Variants in RADIL observed in about 807,000 individuals in gnomAD.
The protein encoded by RADIL is Rap associating with DIL domain.
Under a neutral mutation model 97.6 loss-of-function variants are expected in RADIL, and 99 were observed. The ratio of observed to expected loss-of-function variants is 1.01; its 90% CI spans 0.86 to 1.20. The LOEUF (loss-of-function observed/expected upper bound fraction) is 1.20, where lower values mean the gene tolerates loss of function less well. Ranked by LOEUF, RADIL falls within the 50% of genes most tolerant of loss-of-function variation. RADIL has a pLI of 0.00. For synonymous variants in RADIL, 803 were observed against 691.8 expected (o/e 1.16, Z -2.52); for missense variants, 1,765 against 1,498.9 (o/e 1.18, Z -2.93).
At chr7:4,833,848 G>A (rs575756054) in intron 4 of RADIL, among the ~76,000 whole-genome samples, 89 of 152,306 alleles carry the variant, frequency 5.8e-4, no homozygotes, top group Non-Finnish European at 4.0e-4. Context: ...GGCCCAGGGC[G>A]GTCCTGCTCA....
At chr7:4,809,275 C>G (rs532017320) in intron 9 of RADIL, 18 of 985,238 alleles carry the variant, frequency 1.8e-5, no homozygotes, top group Non-Finnish European at 2.2e-5. Context: ...AGGCCGGGGC[C>G]CCCCTTCCAT....
At chr7:4,806,110 C>A in intron 9 of RADIL, 1 of 920,710 alleles carries the variant, frequency 1.1e-6, no homozygotes, top group African/African-American at 1.8e-5. Flanking sequence ...AAGGCAGGGA[C>A]ATTCATCATT....
chr7:4,833,621 T>C (rs1182623813), intron 4 of RADIL, among the ~76,000 whole-genome samples: 1 of 152,198 alleles, frequency 6.6e-6, no homozygotes, highest in Non-Finnish European at 1.5e-5. Flanking sequence ...AATGTGGATT[T>C]CGATATGAGA....
In RADIL at chr7:4,835,306, T is replaced by A; in HGVS notation, c.784-67A>T. The A allele has an allele frequency of 6.4e-7, 1 of 1,553,614 alleles. No individual in the cohort carries two copies. Among genetic ancestry groups the A allele is most frequent in the East Asian group, 2.4e-5 (1 of 42,264 alleles). On this transcript the variant is annotated intron_variant, in intron 3 of 14. Coordinates refer to ENST00000399583, the MANE Select transcript of RADIL (RefSeq NM_018059.5). This position sits in a 1 kb window ranked among gnomAD's most constrained non-coding sequence, Gnocchi z 5.8. ...GCACACGGGAAAAGCGTCCCGTGTC[T>A]AGTCACTGGTTGCTGAAGCAGCGTG...
intron 13 of RADIL, 44 bp from the exon 14 acceptor site, chr7:4,799,813 C>T: frequency 6.8e-6 from 10 of 1,460,138 alleles, no homozygotes; most frequent in Non-Finnish European, 8.1e-6. Context: ...GCCCGACTGG[C>T]TGTCCCCAGC....
rs1383262679 is a variant in RADIL at position 4,797,089 on chromosome 7, C to A, written c.*2289G>T. On this transcript the variant is annotated 3_prime_UTR_variant, in exon 15 of 15. Coordinates refer to ENST00000399583, the MANE Select transcript of RADIL (RefSeq NM_018059.5). Reference sequence around the variant, plus strand: ...GTGTTGTAGATTGTCTGGGGCCTGGCTGGGAAGTCGTTCTGCTCCACGTGG... The same window carrying A: ...GTGTTGTAGATTGTCTGGGGCCTGGATGGGAAGTCGTTCTGCTCCACGTGG... 5.3e-5 allele frequency: 8 copies of A among 152,268 alleles called. No individual in the cohort carries two copies. Among genetic ancestry groups the A allele is most frequent in the Admixed American group, 4.6e-4 (7 of 15,288 alleles). 9.4% of individuals were successfully genotyped at this position (152,268 alleles called of 1,614,324 possible). A position where few individuals can be genotyped will look rare whatever the true frequency, so the allele number is the denominator to read the frequency against.
In RADIL at chr7:4,827,337, C is replaced by T. The variant is rs6962649; in HGVS notation, c.1455-4783G>A. Among the ~76,000 whole-genome samples, 17 of 146,536 alleles carry T rather than the reference C, an allele frequency of 1.2e-4. No individual in the cohort carries two copies. In the East Asian group the frequency reaches 1.4e-3, roughly 12 times the overall value. ...ATGCGATTGCACCAGTGCACTCCAG[C>T]GTAGACGACAGAGCGAGACTGTCTC... On this transcript the variant is annotated intron_variant, in intron 5 of 14. Coordinates refer to ENST00000399583, the MANE Select transcript of RADIL (RefSeq NM_018059.5).
Position 4,801,940 on chromosome 7 carries a change from G to A in RADIL, c.2555C>T (p.Ala852Val), listed in dbSNP as rs757799017. The A allele has an allele frequency of 1.3e-4, 198 of 1,565,956 alleles. 1 individual carries two copies. Among genetic ancestry groups the A allele is most frequent in the South Asian group, 7.7e-4 (66 of 85,356 alleles). The part of the protein sequence containing the change: ...GHLEAPSCPL[A>V]PRDPGPAARE... ...GGCTGCTGGGCCAGGGTCCCTGGGAGCCAGGGGGCAGCTCGGGGCCTCCAG... is the reference window on the plus strand; with the variant it reads ...GGCTGCTGGGCCAGGGTCCCTGGGAACCAGGGGGCAGCTCGGGGCCTCCAG... Residue 852 changes from alanine to valine, a missense_variant, in exon 12 of 15, where the codon GCT becomes GTT. By Grantham distance (64) the Ala-to-Val change is moderately conservative. Coordinates refer to ENST00000399583, the MANE Select transcript of RADIL (RefSeq NM_018059.5).
At chr7:4,847,301 C>T (rs1044984828) in intron 2 of RADIL, among the ~76,000 whole-genome samples, 1 of 152,054 alleles carries the variant, frequency 6.6e-6, no homozygotes, top group Non-Finnish European at 1.5e-5. Flanking sequence ...AACTGGGCAA[C>T]AGAGCAAGAC....
At chr7:4,836,328 G>A (rs745419798) in intron 3 of RADIL, 30 bp downstream of exon 3, 29 of 1,560,500 alleles carry the variant, frequency 1.9e-5, no homozygotes, top group Middle Eastern at 3.5e-4. Flanking sequence ...CAGTGGCACC[G>A]GGCAGTGGGT....
rs1056722319 is a variant in RADIL, at chr7:4,883,699, C to G, written c.-168G>C. The G allele has an allele frequency of 1.3e-5, 2 of 151,902 alleles. No homozygotes were observed. Among genetic ancestry groups the G allele is most frequent in the Admixed American group, 1.3e-4 (2 of 15,248 alleles). The allele number at this position is 151,902 out of a possible 1,614,324, so 9.4% of individuals were successfully genotyped here. Reference sequence around the variant, plus strand: ...CGCGTGCCGCGGCGCCTCCTGCCGGCGGCGCAACGGGCGGGGCGGGGCCTC... The same window carrying G: ...CGCGTGCCGCGGCGCCTCCTGCCGGGGGCGCAACGGGCGGGGCGGGGCCTC... On this transcript the variant is annotated 5_prime_UTR_variant, in exon 1 of 15. Transcript: ENST00000399583. This position sits in a 1 kb window ranked among gnomAD's most constrained non-coding sequence, Gnocchi z 7.1.
Position 4,872,592 on chromosome 7 carries a change from G to A in RADIL, c.535+5013C>T, listed in dbSNP as rs1399615805. On this transcript the variant is annotated intron_variant, in intron 2 of 14. Coordinates refer to ENST00000399583, the MANE Select transcript of RADIL (RefSeq NM_018059.5). This position sits in a 1 kb window ranked among gnomAD's most constrained non-coding sequence, Gnocchi z 5.8. ...ACCAGCCCTAAATACAGCCTTCTAG[G>A]AAAGGGGAGTGAGAGCCACTTCCAG... is the stretch of plus-strand genomic sequence containing the variant. Among the ~76,000 whole-genome samples, 1 of 152,118 alleles carries A rather than the reference G, an allele frequency of 6.6e-6. No homozygotes were observed. Among genetic ancestry groups the A allele is most frequent in the Non-Finnish European group, 1.5e-5 (1 of 68,024 alleles).
In RADIL at chr7:4,840,448, C is replaced by A. The variant is rs1317237519; in HGVS notation, c.536-3843G>T. 6.6e-6 allele frequency among the ~76,000 whole-genome samples: 1 copy of A among 152,090 alleles called. No individual in the cohort carries two copies. Among genetic ancestry groups the A allele is most frequent in the Non-Finnish European group, 1.5e-5 (1 of 68,024 alleles). On this transcript the variant is annotated intron_variant, in intron 2 of 14. Coordinates refer to ENST00000399583, the MANE Select transcript of RADIL (RefSeq NM_018059.5). The surrounding 1 kb of genome is among the most constrained non-coding windows in gnomAD (Gnocchi z 5.6). ...AGCCACCTTCAGAAGCATCGCATGG[C>A]GCCATCGCTAGACACACAGCGTGGA...
chr7:4,848,445 T>C (rs1583304886), intron 2 of RADIL, among the ~76,000 whole-genome samples: 1 of 151,946 alleles, frequency 6.6e-6, no homozygotes, highest in South Asian at 2.1e-4. Flanking sequence ...GAAGCTGAAA[T>C]TGATAAGATA....
chr7:4,824,323 A>G lies in RADIL; in HGVS notation c.1455-1769T>C, dbSNP rs1256735789. ...CCAGGCTCAAGGCTGGACGGCCGTC[A>G]GAGTGACCATCGCGTGCTCAGTCCC... On this transcript the variant is annotated intron_variant, in intron 5 of 14. Coordinates refer to ENST00000399583, the MANE Select transcript of RADIL (RefSeq NM_018059.5). This position sits in a 1 kb window ranked among gnomAD's most constrained non-coding sequence, Gnocchi z 6.7. Among the ~76,000 whole-genome samples, 2 of 152,358 alleles carry G rather than the reference A, an allele frequency of 1.3e-5. No homozygotes were observed. The highest frequency in any genetic ancestry group is 1.9e-4 in the East Asian group (1 of 5,186).
At chr7:4,881,301 G>A (rs941437046) in intron 1 of RADIL, among the ~76,000 whole-genome samples, 3 of 150,834 alleles carry the variant, frequency 2.0e-5, no homozygotes, top group African/African-American at 4.9e-5. Context: ...TGTAGTCCCA[G>A]CTACTCGGGA....
chr7:4,807,834 CTCTCCCTCTCTCTCT>C, intron 9 of RADIL, among the ~76,000 whole-genome samples: 1 of 52,590 alleles, frequency 1.9e-5, no homozygotes, highest in Non-Finnish European at 3.9e-5. Context: ...CTCTTCTTCT[CTCTCCCTCTCTCTCT>C]CCCCTCCCTG....
chr7:4,813,074 T>TCTC lies in RADIL; in HGVS notation c.2139+2203_2139+2204insGAG, dbSNP rs1562432542. Among the ~76,000 whole-genome samples the TCTC allele has an allele frequency of 0.023, 3,400 of 147,764 alleles. 58 individuals carry two copies. The highest frequency in any genetic ancestry group is 0.031 in the Middle Eastern group (9 of 286). ...TTCATCCTTACCCCAAGGTTCTTCT[T>TCTC]TCTCTCTCTCTCTCTCTCTCTCTCT... On this transcript the variant is annotated intron_variant, in intron 9 of 14. Transcript: ENST00000399583. The surrounding 1 kb of genome is among the most constrained non-coding windows in gnomAD (Gnocchi z 5.0).
At chr7:4,855,320 T>G (rs1013951976) in intron 2 of RADIL, among the ~76,000 whole-genome samples, 2 of 151,672 alleles carry the variant, frequency 1.3e-5, no homozygotes, top group African/African-American at 4.8e-5. Context: ...ACACTGGAGG[T>G]AAACTAGAAG....
Sources: allele counts gnomAD v4.1 joint callset (sites outside exome capture counted in the v4.1 genomes callset), GRCh38; gene constraint gnomAD v4.1.1; non-coding constraint Gnocchi (gnomAD v3.1); transcripts MANE v1.5; gene names NCBI Gene and HGNC (gene_info 2026-07-23, HGNC 2026-07-21).